The following CRMP1 variants were observed in gnomAD, a reference collection of about 807,000 sequenced individuals.
The protein encoded by CRMP1 is collapsin response mediator protein 1, also known as dihydropyrimidinase-related protein 1.
In CRMP1, 19 loss-of-function variants were observed where a neutral mutation model predicts 68.3. That is an observed-to-expected ratio of 0.28 (90% CI 0.19 to 0.41). The LOEUF is 0.41. Among genes scored for constraint, CRMP1 ranks in the 10% least tolerant of loss-of-function variants. The probability of loss-of-function intolerance (pLI) is 1.00; values close to 1 mark genes in which losing one functional copy is unlikely to be tolerated. For missense variants in CRMP1, 791 were observed against 967.4 expected (o/e 0.82, Z 2.42); for synonymous variants, 439 against 399.6 (o/e 1.10, Z -1.18).
chr4:5,834,377 T>C lies in CRMP1; in HGVS notation c.1623+1538A>G, dbSNP rs1272536780. On this transcript the variant is annotated intron_variant, in intron 11 of 13. Transcript: ENST00000324989. The surrounding 1 kb of genome is among the most constrained non-coding windows in gnomAD (Gnocchi z 4.3). ...TATCACAGGAATGAGTTAGTTATTG[T>C]GAGACTGGGCTTGTTATAAAAGCAA... is the stretch of plus-strand genomic sequence containing the variant. 6.6e-6 allele frequency among the ~76,000 whole-genome samples: 1 copy of C among 152,222 alleles called. No individual in the cohort carries two copies. Among genetic ancestry groups the C allele is most frequent in the Non-Finnish European group, 1.5e-5 (1 of 68,036 alleles).
rs1235609734 is a variant in CRMP1, at chr4:5,892,196, C to T, written c.381+393G>A. Among the ~76,000 whole-genome samples the T allele has an allele frequency of 6.6e-6, 1 of 152,132 alleles. No homozygotes were observed. Among genetic ancestry groups the T allele is most frequent in the African/African-American group, 2.4e-5 (1 of 41,436 alleles). ...GAGTGGATGGATGAATGGACCAACA[C>T]GGAACGGAGCTCCAGTTCTTTTCAC... is the stretch of plus-strand genomic sequence containing the variant. On this transcript the variant is annotated intron_variant, in intron 1 of 13. Coordinates refer to ENST00000324989, the MANE Select transcript of CRMP1 (RefSeq NM_001014809.3). This position sits in a 1 kb window ranked among gnomAD's most constrained non-coding sequence, Gnocchi z 8.6.
In CRMP1 at chr4:5,825,291, C is replaced by G. The variant is rs1719364319; in HGVS notation, c.1969+203G>C. Reference sequence around the variant, plus strand: ...ACATCAGGTACCACCATGTTGCCCCCCTAACATGGACCCCCCTCTGCTTGG... The same window carrying G: ...ACATCAGGTACCACCATGTTGCCCCGCTAACATGGACCCCCCTCTGCTTGG... On this transcript the variant is annotated intron_variant, in intron 13 of 13. Coordinates refer to ENST00000324989, the MANE Select transcript of CRMP1 (RefSeq NM_001014809.3). This position sits in a 1 kb window ranked among gnomAD's most constrained non-coding sequence, Gnocchi z 4.4. 11 of 985,116 alleles carry G rather than the reference C, an allele frequency of 1.1e-5. No individual in the cohort carries two copies. Among genetic ancestry groups the G allele is most frequent in the Non-Finnish European group, 1.3e-5 (11 of 829,916 alleles). The allele number at this position is 985,116 out of a possible 1,614,324, so 61.0% of individuals were successfully genotyped here.
At position 5,825,675 on chromosome 4, in the gene CRMP1, G is replaced by A. The variant is rs1363438781; in HGVS notation, c.1804-16C>T. 6.2e-7 allele frequency: 1 copy of A among 1,611,906 alleles called. No homozygotes were observed. The highest frequency in any genetic ancestry group is 1.1e-5 in the South Asian group (1 of 90,664). ...ATCCAAAAACCTAAACAGAGGAAGG[G>A]AGAGTGTGATTGATCGACACTGTGC... On this transcript the variant is annotated splice_polypyrimidine_tract_variant and intron_variant, in intron 12 of 13. Transcript: ENST00000324989. This position sits in a 1 kb window ranked among gnomAD's most constrained non-coding sequence, Gnocchi z 4.4.
intron 1 of CRMP1, among the ~76,000 whole-genome samples, chr4:5,876,046 G>C (rs1714804281): frequency 6.6e-6 from 1 of 151,978 alleles, no homozygotes; most frequent in South Asian, 2.1e-4. Flanking sequence ...CCAGCTACTT[G>C]GGAGGCTGAG....
intron 11 of CRMP1, among the ~76,000 whole-genome samples, chr4:5,829,347 C>G (rs900005531): frequency 6.6e-6 from 1 of 152,140 alleles, no homozygotes; most frequent in African/African-American, 2.4e-5. Flanking sequence ...CGAGATCGTG[C>G]CACTGCACTC....
intron 11 of CRMP1, among the ~76,000 whole-genome samples, 187 bp downstream of exon 11, chr4:5,835,728 T>C (rs1560490635): frequency 2.0e-5 from 3 of 152,106 alleles, no homozygotes; most frequent in African/African-American, 7.2e-5. Flanking sequence ...AGAAGCAGCT[T>C]AGTTGAGCCT....
rs1720570327 is a variant in CRMP1 at position 5,834,155 on chromosome 4, A to G, written c.1623+1760T>C. ...CACAGACATTCACGTTCCTTTCTAG[A>G]TAAGGATCACCTTGTGAAGCAAGGG... is the stretch of plus-strand genomic sequence containing the variant. On this transcript the variant is annotated intron_variant, in intron 11 of 13. Transcript: ENST00000324989. The surrounding 1 kb of genome is among the most constrained non-coding windows in gnomAD (Gnocchi z 4.3). 6.6e-6 allele frequency among the ~76,000 whole-genome samples: 1 copy of G among 152,240 alleles called. No individual in the cohort carries two copies. The highest frequency in any genetic ancestry group is 1.5e-5 in the Non-Finnish European group (1 of 68,034).
chr4:5,873,521 G>A (rs925834885), intron 1 of CRMP1, among the ~76,000 whole-genome samples: 6 of 151,968 alleles, frequency 3.9e-5, no homozygotes, highest in African/African-American at 9.7e-5. Flanking sequence ...AGTGGGGGGT[G>A]GGGGGTGAGC....
intron 12 of CRMP1, chr4:5,826,452 GGGAGGACACCTCCACACCAGCCTGCA>G (rs1343519755): frequency 6.7e-6 from 1 of 150,184 alleles, no homozygotes; most frequent in Admixed American, 6.6e-5. Context: ...GGATGCTGTG[GGGAGGACACCTCCACACCAGCCTGCA>G]GGAGGACGAG....
intron 1 of CRMP1, among the ~76,000 whole-genome samples, chr4:5,882,674 A>G (rs973552385): frequency 4.6e-5 from 7 of 152,238 alleles, no homozygotes; most frequent in African/African-American, 1.4e-4. Flanking sequence ...AGTAAGTAAA[A>G]CAGCCAGGAT....
rs2286283 is a variant in CRMP1, at chr4:5,841,469, T to G, written c.1033-41A>C. The stretch of plus-strand genomic sequence containing the variant: ...ACAGTGTCACAGGAGGGAAGGCTGG[T>G]GTAACAGCTACCACCCATCTCCATT... On this transcript the variant is annotated intron_variant, in intron 7 of 13. Transcript: ENST00000324989. The surrounding 1 kb of genome is among the most constrained non-coding windows in gnomAD (Gnocchi z 6.9). 0.39 allele frequency: 627,396 copies of G among 1,608,526 alleles called. 125,254 individuals are homozygous for G. Among genetic ancestry groups the G allele is most frequent in the African/African-American group, 0.57 (42,354 of 74,810 alleles).
Position 5,843,792 on chromosome 4 carries a change from C to T in CRMP1, c.964-631G>A, listed in dbSNP as rs373134469. Among the ~76,000 whole-genome samples the T allele has an allele frequency of 1.1e-4, 16 of 152,192 alleles. No individual in the cohort carries two copies. Among genetic ancestry groups the T allele is most frequent in the African/African-American group, 3.1e-4 (13 of 41,536 alleles). Reference sequence around the variant, plus strand: ...GAGCACACGCTCATTAATTGGCAGCCGGCTCTCATACCTACTTCAGCTGCC... The same window carrying T: ...GAGCACACGCTCATTAATTGGCAGCTGGCTCTCATACCTACTTCAGCTGCC... On this transcript the variant is annotated intron_variant, in intron 6 of 13. Transcript: ENST00000324989. This position sits in a 1 kb window ranked among gnomAD's most constrained non-coding sequence, Gnocchi z 4.1.
intron 11 of CRMP1, among the ~76,000 whole-genome samples, chr4:5,831,715 G>A (rs1050564850): frequency 2.0e-5 from 3 of 152,158 alleles, no homozygotes. Context: ...GTGTGAGGAG[G>A]CCCTGGTCAT....
intron 8 of CRMP1, among the ~76,000 whole-genome samples, chr4:5,839,887 C>T (rs745702389): frequency 2.3e-4 from 35 of 152,370 alleles, no homozygotes; most frequent in Non-Finnish European, 2.9e-4. Context: ...CCCCGCCACG[C>T]GCTCCATGGG....
rs563186759 is a variant in CRMP1, at chr4:5,861,967, G to A, written c.471-757C>T. The stretch of plus-strand genomic sequence containing the variant: ...TGCTGCTTCAGTGACCAAAAGTGCA[G>A]CTCTAGACAGAATCCACAGCCAGGC... On this transcript the variant is annotated intron_variant, in intron 2 of 13. Coordinates refer to ENST00000324989, the MANE Select transcript of CRMP1 (RefSeq NM_001014809.3). This position sits in a 1 kb window ranked among gnomAD's most constrained non-coding sequence, Gnocchi z 6.0. Among the ~76,000 whole-genome samples the A allele has an allele frequency of 1.4e-4, 21 of 152,322 alleles. No homozygotes were observed. Among genetic ancestry groups the A allele is most frequent in the Non-Finnish European group, 2.9e-4 (20 of 68,036 alleles).
Position 5,842,622 on chromosome 4 carries a change from TCACACA to T in CRMP1, c.1032+465_1032+470del, listed in dbSNP as rs536969374. ...CTCACACACACACACACACACTCAC[TCACACA>T]CACACACACGCACTGTCTCTCTCAC... is the stretch of plus-strand genomic sequence containing the variant. On this transcript the variant is annotated intron_variant, in intron 7 of 13. Coordinates refer to ENST00000324989, the MANE Select transcript of CRMP1 (RefSeq NM_001014809.3). The surrounding 1 kb of genome is among the most constrained non-coding windows in gnomAD (Gnocchi z 4.5). 0.02 allele frequency among the ~76,000 whole-genome samples: 2,910 copies of T among 143,112 alleles called. 39 individuals are homozygous for T. Among genetic ancestry groups the T allele is most frequent in the Non-Finnish European group, 0.031 (2,006 of 65,634 alleles). 93.9% of individuals were successfully genotyped at this position (143,112 alleles called of 152,430 possible).
At chr4:5,822,884 G>A (rs1004839820) in intron 13 of CRMP1, among the ~76,000 whole-genome samples, 2 of 152,270 alleles carry the variant, frequency 1.3e-5, no homozygotes, top group African/African-American at 4.8e-5. Flanking sequence ...ACTGCACAAA[G>A]CCCTCTTCGG....
intron 13 of CRMP1, among the ~76,000 whole-genome samples, chr4:5,823,363 G>A (rs1718999370): frequency 6.6e-6 from 1 of 152,194 alleles, no homozygotes; most frequent in African/African-American, 2.4e-5. Flanking sequence ...CCTGGAATCA[G>A]GCCTAGCACT....
chr4:5,890,147 C>T lies in CRMP1; in HGVS notation c.381+2442G>A, dbSNP rs1405347515. On this transcript the variant is annotated intron_variant, in intron 1 of 13. Transcript: ENST00000324989. The surrounding 1 kb of genome is among the most constrained non-coding windows in gnomAD (Gnocchi z 5.5). Reference sequence around the variant, plus strand: ...GGACACTGTCCCTCCCCAACTCCTACACTCCCTTCCTTGGAGTTGTTAAGT... The same window carrying T: ...GGACACTGTCCCTCCCCAACTCCTATACTCCCTTCCTTGGAGTTGTTAAGT... 5 of 194,036 alleles carry T rather than the reference C, an allele frequency of 2.6e-5. No individual in the cohort carries two copies. The highest frequency in any genetic ancestry group is 2.4e-4 in the East Asian group (2 of 8,412). 12.0% of individuals were successfully genotyped at this position (194,036 alleles called of 1,614,324 possible). A position where few individuals can be genotyped will look rare whatever the true frequency, so the allele number is the denominator to read the frequency against.
Sources: gnomAD v4.1 joint callset for allele counts (sites outside exome capture counted in the v4.1 genomes callset) on GRCh38, gnomAD v4.1.1 for gene constraint, Gnocchi (gnomAD v3.1) non-coding constraint, MANE v1.5 for transcripts, NCBI Gene and HGNC (gene_info 2026-07-23, HGNC 2026-07-21) for gene names.